Variants in TRHDE observed in about 807,000 individuals in gnomAD.
TRHDE encodes thyrotropin releasing hormone degrading enzyme.
In TRHDE, 72 loss-of-function variants were observed where a neutral mutation model predicts 125.7. That is an observed-to-expected ratio of 0.57 (90% confidence interval 0.47 to 0.70). The LOEUF is 0.70. TRHDE is among the 30% of genes least tolerant of loss of function. The pLI is 0.00. For missense variants in TRHDE, 1,110 were observed against 1,327.1 expected, an observed-to-expected ratio of 0.84 and a Z score of 2.54; for synonymous variants, 509 against 509.1, an observed-to-expected ratio of 1.00 and a Z score of 0.00.
intron 12 of TRHDE, among the ~76,000 whole-genome samples, chr12:72,601,303 C>G (rs1485588109): frequency 6.6e-6 from 1 of 152,088 alleles, no homozygotes; most frequent in Non-Finnish European, 1.5e-5. Context: ...GCTACAATCT[C>G]AGGATAAAAC....
chr12:72,364,083 C>A (rs1186420015), intron 2 of TRHDE, among the ~76,000 whole-genome samples: 1 of 152,016 alleles, frequency 6.6e-6, no homozygotes, highest in East Asian at 1.9e-4. Context: ...AGGACCTCTT[C>A]AAGGAGAACT....
chr12:72,183,381 T>G (rs1211488228), intron 2 of TRHDE, among the ~76,000 whole-genome samples: 1 of 152,228 alleles, frequency 6.6e-6, no homozygotes, highest in East Asian at 1.9e-4. Context: ...GAGCACTTAG[T>G]AAAATCTTCT....
chr12:72,569,250 T>A (rs1316796133), intron 10 of TRHDE, among the ~76,000 whole-genome samples: 3 of 152,224 alleles, frequency 2.0e-5, no homozygotes, highest in Non-Finnish European at 4.4e-5. Flanking sequence ...AGAAAGCTAT[T>A]TCTTGAATCC....
intron 2 of TRHDE, among the ~76,000 whole-genome samples, chr12:72,216,553 C>A (rs940430414): frequency 6.6e-6 from 1 of 152,022 alleles, no homozygotes; most frequent in African/African-American, 2.4e-5. Flanking sequence ...ATCAATTGAA[C>A]CTACAATTTC....
chr12:72,350,247 G>T (rs1870521008), intron 2 of TRHDE, among the ~76,000 whole-genome samples: 1 of 151,882 alleles, frequency 6.6e-6, no homozygotes, highest in Non-Finnish European at 1.5e-5. Flanking sequence ...AGACAGAGAC[G>T]ATTGGCACAA....
At chr12:72,335,511 A>T (rs544645584) in intron 2 of TRHDE, among the ~76,000 whole-genome samples, 1 of 152,330 alleles carries the variant, frequency 6.6e-6, no homozygotes, top group South Asian at 2.1e-4. Flanking sequence ...GGCATATATC[A>T]TGCAGATCTT....
chr12:72,656,459 A>G (rs1874712389), intron 17 of TRHDE, among the ~76,000 whole-genome samples: 1 of 152,184 alleles, frequency 6.6e-6, no homozygotes. Context: ...GAATAAAATA[A>G]TATGAAAATG....
chr12:72,184,703 T>G (rs567011601), intron 2 of TRHDE, among the ~76,000 whole-genome samples: 64 of 152,312 alleles, frequency 4.2e-4, no homozygotes, highest in Non-Finnish European at 7.9e-4. Context: ...CTGCAATTTC[T>G]TCTTGTGTCT....
intron 2 of TRHDE, among the ~76,000 whole-genome samples, chr12:72,211,112 A>G (rs142794925): frequency 2.0e-5 from 3 of 152,270 alleles, no homozygotes; most frequent in Non-Finnish European, 4.4e-5. Flanking sequence ...GCAAACAGGA[A>G]CCCTCTGTCT....
At chr12:72,376,526 A>AT (rs1871890711) in intron 2 of TRHDE, among the ~76,000 whole-genome samples, 1 of 152,132 alleles carries the variant, frequency 6.6e-6, no homozygotes, top group African/African-American at 2.4e-5. Flanking sequence ...TGTAGACTAA[A>AT]TTTGATATTT....
intron 2 of TRHDE, among the ~76,000 whole-genome samples, chr12:72,199,372 A>G (rs1263461473): frequency 1.3e-5 from 2 of 152,196 alleles, no homozygotes; most frequent in African/African-American, 4.8e-5. Flanking sequence ...GCATTTGGAA[A>G]TAAAAGGAAA....
intron 15 of TRHDE, among the ~76,000 whole-genome samples, chr12:72,630,278 C>T (rs927168720): frequency 2.0e-5 from 3 of 151,432 alleles, no homozygotes; most frequent in Non-Finnish European, 4.4e-5. Context: ...CTAGATTTAG[C>T]GAAATCTCTA....
At chr12:72,637,491 G>A (rs1873815111) in intron 15 of TRHDE, among the ~76,000 whole-genome samples, 1 of 151,866 alleles carries the variant, frequency 6.6e-6, no homozygotes, top group Admixed American at 6.6e-5. Flanking sequence ...GGTTTTTTGT[G>A]TCTCTATGTC....
chr12:72,327,639 A>AT (rs1187375245), intron 2 of TRHDE, among the ~76,000 whole-genome samples: 1 of 152,026 alleles, frequency 6.6e-6, no homozygotes, highest in Non-Finnish European at 1.5e-5. Flanking sequence ...ATTTTAGGAG[A>AT]TTTTTTTAGG....
At chr12:72,201,414 TTGGTTA>T (rs1877557210) in intron 2 of TRHDE, among the ~76,000 whole-genome samples, 1 of 152,162 alleles carries the variant, frequency 6.6e-6, no homozygotes, top group Non-Finnish European at 1.5e-5. Context: ...ATTTTGAAGT[TTGGTTA>T]TACCCTAATT....
intron 3 of TRHDE, among the ~76,000 whole-genome samples, chr12:72,408,914 A>G (rs1188290741): frequency 1.3e-5 from 2 of 152,196 alleles, no homozygotes; most frequent in Admixed American, 6.5e-5. Context: ...ATGAATTCTC[A>G]TATATGTCTA....
intron 2 of TRHDE, among the ~76,000 whole-genome samples, chr12:72,332,570 C>T (rs1869655225): frequency 6.6e-6 from 1 of 152,198 alleles, no homozygotes; most frequent in Non-Finnish European, 1.5e-5. Flanking sequence ...CCAACATTGG[C>T]AATCACATTT....
chr12:72,536,591 T>C (rs1868871056), intron 6 of TRHDE, among the ~76,000 whole-genome samples: 1 of 152,080 alleles, frequency 6.6e-6, no homozygotes, highest in Non-Finnish European at 1.5e-5. Context: ...AGGAGTAAAC[T>C]GAGGAAAGAG....
intron 5 of TRHDE, among the ~76,000 whole-genome samples, chr12:72,489,358 A>T (rs1470096764): frequency 6.6e-6 from 1 of 151,892 alleles, no homozygotes; most frequent in Non-Finnish European, 1.5e-5. Flanking sequence ...ACCCAAATAA[A>T]TGGAAATAAA....
Sources: allele counts gnomAD v4.1 joint callset (sites outside exome capture counted in the v4.1 genomes callset), GRCh38; gene constraint gnomAD v4.1.1; transcripts MANE v1.5; gene names NCBI Gene and HGNC (gene_info 2026-07-23, HGNC 2026-07-21).